The following DLEC1 variants were observed in gnomAD, a reference collection of about 807,000 sequenced individuals.
DLEC1 encodes the protein deleted in lung and esophageal cancer protein 1.
DLEC1 carries 146 observed loss-of-function variants against 198.1 expected under a neutral mutation model. The ratio of observed to expected loss-of-function variants is 0.74; its 90% CI spans 0.64 to 0.85. The LOEUF (loss-of-function observed/expected upper bound fraction) is 0.85. DLEC1 is among the 40% of genes least tolerant of loss of function. The probability of loss-of-function intolerance (pLI) is 0.00; values close to 1 mark genes in which losing one functional copy is unlikely to be tolerated. For synonymous variants in DLEC1, 897 were observed against 866.8 expected (o/e 1.03, Z -0.61); for missense variants, 2,233 against 2,220.0 (o/e 1.01, Z -0.12).
intron 18 of DLEC1, 29 bp from the exon 19 acceptor site, chr3:38,100,257 C>A: frequency 6.3e-7 from 1 of 1,589,844 alleles, no homozygotes; most frequent in Non-Finnish European, 8.6e-7. Flanking sequence ...GTCCTCAGTG[C>A]TCATCCTCCT....
At chr3:38,115,525 A>T (rs1700107799) in intron 27 of DLEC1, among the ~76,000 whole-genome samples, 1 of 151,974 alleles carries the variant, frequency 6.6e-6, no homozygotes, top group African/African-American at 2.4e-5. Context: ...GGGTAAGCCG[A>T]TGTGGGCCAG....
intron 26 of DLEC1, 125 bp from the exon 27 acceptor site, chr3:38,114,858 T>G: frequency 1.2e-6 from 1 of 814,552 alleles, no homozygotes; most frequent in Non-Finnish European, 2.0e-6. Flanking sequence ...GTCTCATTAA[T>G]TCTCGAGTGA....
In DLEC1 at chr3:38,062,058, T is replaced by G. The variant is rs1696714143; in HGVS notation, c.674-111T>G. 24 of 1,046,138 alleles carry G rather than the reference T, an allele frequency of 2.3e-5. 1 individual carries two copies. The South Asian group carries it at 3.1e-4, about 14-fold the overall frequency. 64.8% of individuals were successfully genotyped at this position (1,046,138 alleles called of 1,614,324 possible). A position where few individuals can be genotyped will look rare whatever the true frequency, so the allele number is the denominator to read the frequency against. On this transcript the variant is annotated intron_variant, in intron 3 of 36. Transcript: ENST00000308059. ...AGCTGGTGTGGTAAATATGAAAGTT[T>G]AGGAGAAAGATCAAGCTAACTGTGG...
intron 6 of DLEC1, among the ~76,000 whole-genome samples, chr3:38,075,878 G>A (rs900120852): frequency 6.6e-6 from 1 of 152,010 alleles, no homozygotes; most frequent in African/African-American, 2.4e-5. Context: ...GAGAGAAGGG[G>A]TTGGGGTACT....
chr3:38,065,784 A>G (rs1224540262), intron 6 of DLEC1, among the ~76,000 whole-genome samples: 2 of 152,182 alleles, frequency 1.3e-5, no homozygotes, highest in East Asian at 1.9e-4. Context: ...AAGTCCATTT[A>G]TATTTGGTTT....
At chr3:38,116,680 G>C (rs1700183307) in intron 28 of DLEC1, 22 bp downstream of exon 28, 6 of 1,612,882 alleles carry the variant, frequency 3.7e-6, no homozygotes, top group Non-Finnish European at 4.2e-6. Context: ...TGGAGGGGCG[G>C]GGCAGGCTGG....
intron 19 of DLEC1, among the ~76,000 whole-genome samples, chr3:38,101,614 T>G (rs1699310992): frequency 6.6e-6 from 1 of 152,208 alleles, no homozygotes; most frequent in South Asian, 2.1e-4. Context: ...TGGATGCTCT[T>G]GAATTATCCT....
intron 6 of DLEC1, among the ~76,000 whole-genome samples, chr3:38,078,344 A>G (rs1196920101): frequency 6.6e-6 from 1 of 152,236 alleles, no homozygotes; most frequent in African/African-American, 2.4e-5. Context: ...AAAAGTATTA[A>G]AGCAGCAGCA....
rs756787181 is a variant in DLEC1, at chr3:38,095,965, T to C, written c.2171+19T>C. On this transcript the variant is annotated intron_variant, in intron 14 of 36. Coordinates refer to ENST00000308059, the MANE Select transcript of DLEC1 (RefSeq NM_007335.4). ...CTGTAAGGTGAGAGAAACTGGGCCC[T>C]GGATGAGAAGTGGGCAGCTGGGCCT... 6.8e-6 allele frequency: 11 copies of C among 1,612,876 alleles called. No homozygotes were observed. Among genetic ancestry groups the C allele is most frequent in the Admixed American group, 1.7e-5 (1 of 59,990 alleles).
At chr3:38,047,189 A>G (rs1259706266) in intron 2 of DLEC1, among the ~76,000 whole-genome samples, 1 of 152,236 alleles carries the variant, frequency 6.6e-6, no homozygotes, top group Admixed American at 6.5e-5. Context: ...TTCCTCATCA[A>G]AGCTCCATCG....
In DLEC1 at chr3:38,114,436, A is replaced by G. The variant is rs1168316047; in HGVS notation, c.3761A>G (p.Gln1254Arg). The G allele has an allele frequency of 3.1e-6, 5 of 1,614,210 alleles. No homozygotes were observed. Among genetic ancestry groups the G allele is most frequent in the Non-Finnish European group, 4.2e-6 (5 of 1,180,022 alleles). ...SLRTTSYTID[Q>R]AQKEPAMRFG... ...AGGACCACCTCCTACACTATTGACC[A>G]GGCCCAGAAGGAACCAGCCATGAGG... The change falls in exon 26 of 37, where the codon CAG becomes CGG. Residue 1254 changes from glutamine (Q) to arginine (R), a missense_variant. Physicochemically the swap from Gln to Arg is conservative, Grantham distance 43. Transcript: ENST00000308059.
intron 1 of DLEC1, among the ~76,000 whole-genome samples, chr3:38,042,665 C>T (rs1172844275): frequency 1.3e-5 from 2 of 149,946 alleles, no homozygotes; most frequent in African/African-American, 4.9e-5. Context: ...ATGTGATTCT[C>T]CTGCCTCAGC....
chr3:38,122,610 C>CAGGCCACACCACAGCAG lies in DLEC1; in HGVS notation c.*201_*217dup. 1 of 1,556,730 alleles carries CAGGCCACACCACAGCAG rather than the reference C, an allele frequency of 6.4e-7. No individual in the cohort carries two copies. The highest frequency in any genetic ancestry group is 1.4e-5 in the African/African-American group (1 of 73,476). On this transcript the variant is annotated 3_prime_UTR_variant, in exon 37 of 37. Coordinates refer to ENST00000308059, the MANE Select transcript of DLEC1 (RefSeq NM_007335.4). Reference sequence around the variant, plus strand: ...ATGTCCTCAGAGCTAACATAAAGGACAGGCCACACCACAGCAGAGACCACC... The same window carrying CAGGCCACACCACAGCAG: ...ATGTCCTCAGAGCTAACATAAAGGACAGGCCACACCACAGCAGAGGCCACACCACAGCAGAGACCACC...
chr3:38,058,046 G>A (rs956736436), intron 2 of DLEC1, among the ~76,000 whole-genome samples: 20 of 151,982 alleles, frequency 1.3e-4, no homozygotes, highest in Admixed American at 4.6e-4. Context: ...CTCGTGATCC[G>A]CCTGCCTCAG....
At chr3:38,078,123 T>C (rs1697737944) in intron 6 of DLEC1, among the ~76,000 whole-genome samples, 1 of 151,776 alleles carries the variant, frequency 6.6e-6, no homozygotes, top group South Asian at 2.1e-4. Flanking sequence ...GTCATGGGGG[T>C]CAGGTGTGTT....
intron 11 of DLEC1, 130 bp from the exon 12 acceptor site, chr3:38,093,475 C>A: frequency 9.3e-7 from 1 of 1,071,246 alleles, no homozygotes; most frequent in Non-Finnish European, 1.4e-6. Flanking sequence ...CCTTTTCCCT[C>A]CAGTGTGAGC....
chr3:38,074,694 G>A (rs1018173052), intron 6 of DLEC1, among the ~76,000 whole-genome samples: 12 of 152,146 alleles, frequency 7.9e-5, no homozygotes, highest in South Asian at 2.1e-4. Context: ...TGAAGCCGGC[G>A]GTTATCAGCA....
At chr3:38,061,506 T>C (rs1474402962) in intron 3 of DLEC1, among the ~76,000 whole-genome samples, 1 of 152,156 alleles carries the variant, frequency 6.6e-6, no homozygotes, top group Admixed American at 6.6e-5. Flanking sequence ...ATCTTAACAG[T>C]GTAAAAAGCT....
At chr3:38,100,187 C>CA in intron 18 of DLEC1, 99 bp from the exon 19 acceptor site, 1 of 1,412,628 alleles carries the variant, frequency 7.1e-7, no homozygotes, top group Admixed American at 2.6e-5. Context: ...AGAGCTGGGG[C>CA]AGCTTAGGAG....
Sources: gnomAD v4.1 joint callset for allele counts (sites outside exome capture counted in the v4.1 genomes callset) on GRCh38, gnomAD v4.1.1 for gene constraint, MANE v1.5 for transcripts, NCBI Gene and HGNC (gene_info 2026-07-23, HGNC 2026-07-21) for gene names.